The following SMAD3 variants were observed in gnomAD, a reference collection of about 807,000 sequenced individuals.
SMAD3 encodes SMAD family member 3.
Under a neutral mutation model 51.8 loss-of-function variants are expected in SMAD3, and 12 were observed. The observed-to-expected ratio is 0.23, with a 90% CI of 0.15 to 0.38. SMAD3 has a LOEUF of 0.38. SMAD3 is among the 10% of genes least tolerant of loss of function. The pLI is 1.00. For synonymous variants in SMAD3, 238 were observed against 227.7 expected (o/e 1.05, Z -0.41); for missense variants, 294 against 565.6 (o/e 0.52, Z 4.87).
At chr15:67,121,461 C>T (rs1301028705) in intron 1 of SMAD3, among the ~76,000 whole-genome samples, 2 of 152,072 alleles carry the variant, frequency 1.3e-5, no homozygotes, top group Non-Finnish European at 2.9e-5. Context: ...CCCAGAGGCC[C>T]CGGGGAGGGC....
At chr15:67,087,378 A>G (rs1039720537) in intron 1 of SMAD3, among the ~76,000 whole-genome samples, 2 of 152,052 alleles carry the variant, frequency 1.3e-5, no homozygotes, top group South Asian at 4.2e-4. Flanking sequence ...TTTGATGATT[A>G]CCATCTGCCC....
At position 67,138,843 on chromosome 15, in the gene SMAD3, CAGTT is replaced by C. The variant is rs768956940; in HGVS notation, c.207-26051_207-26048del. Among the ~76,000 whole-genome samples the C allele has an allele frequency of 3.9e-5, 6 of 152,332 alleles. No individual in the cohort carries two copies. The South Asian group carries it at 6.2e-4, about 16-fold the overall frequency. The stretch of plus-strand genomic sequence containing the variant: ...ACACCATCCCATTAACCCTCCAAAG[CAGTT>C]GGTTGACTTGATCAGGGAAGATATG... On this transcript the variant is annotated intron_variant, in intron 1 of 8. Coordinates refer to ENST00000327367, the MANE Select transcript of SMAD3 (RefSeq NM_005902.4).
At chr15:67,178,099 C>T (rs1344256649) in intron 5 of SMAD3, among the ~76,000 whole-genome samples, 1 of 152,170 alleles carries the variant, frequency 6.6e-6, no homozygotes, top group African/African-American at 2.4e-5. Flanking sequence ...TTTTCCACAA[C>T]ACTGTCCGGT....
intron 1 of SMAD3, among the ~76,000 whole-genome samples, chr15:67,151,576 C>T (rs978741066): frequency 2.4e-4 from 36 of 152,144 alleles, no homozygotes; most frequent in African/African-American, 8.5e-4. Context: ...TGTAATCCAC[C>T]CACCTCAGCC....
In SMAD3 at chr15:67,191,078, T is replaced by C. The variant is rs530801416; in HGVS notation, c.*542T>C. ...CCACCACTCCAGCAGACCTTGCCCC[T>C]TGTGAGCTGGATAGACTTGGGATGG... On this transcript the variant is annotated 3_prime_UTR_variant, in exon 9 of 9. Transcript: ENST00000327367. 11 of 75,870 alleles carry C rather than the reference T, an allele frequency of 1.4e-4. No individual in the cohort carries two copies. The highest frequency in any genetic ancestry group is 2.4e-4 in the Non-Finnish European group (10 of 41,706). The allele number at this position is 75,870 out of a possible 1,614,324, so 4.7% of individuals were successfully genotyped here.
At position 67,191,053 on chromosome 15, in the gene SMAD3, C is replaced by T; in HGVS notation, c.*517C>T. On this transcript the variant is annotated 3_prime_UTR_variant, in exon 9 of 9. Transcript: ENST00000327367. ...CAGCCCAGCCCCGCCCCGCCCCGCC[C>T]CACCACTCCAGCAGACCTTGCCCCT... is the stretch of plus-strand genomic sequence containing the variant. 1 of 237,814 alleles carries T rather than the reference C, an allele frequency of 4.2e-6. No homozygotes were observed. Among genetic ancestry groups the T allele is most frequent in the Non-Finnish European group, 8.3e-6 (1 of 120,414 alleles). 14.7% of individuals were successfully genotyped at this position (237,814 alleles called of 1,614,324 possible). A position where few individuals can be genotyped will look rare whatever the true frequency, so the allele number is the denominator to read the frequency against.
At chr15:67,169,601 A>G (rs75574653) in intron 4 of SMAD3, among the ~76,000 whole-genome samples, 58 of 150,758 alleles carry the variant, frequency 3.8e-4, no homozygotes, top group African/African-American at 1.3e-3. Flanking sequence ...GTCCAGCCTC[A>G]GCCTTCACCA....
At chr15:67,187,115 C>T (rs1963241387) in intron 7 of SMAD3, 1 of 656,636 alleles carries the variant, frequency 1.5e-6, no homozygotes, top group East Asian at 3.0e-5. Flanking sequence ...GGCCAGCCTT[C>T]CATCTCCCCT....
chr15:67,068,119 A>AAAGC (rs1216594456), intron 1 of SMAD3, among the ~76,000 whole-genome samples: 4 of 152,256 alleles, frequency 2.6e-5, no homozygotes, highest in Non-Finnish European at 5.9e-5. Flanking sequence ...AAAAAGACAG[A>AAAGC]AAGCAAGCAA....
rs111805211 is a variant in SMAD3 at position 67,105,249 on chromosome 15, C to T, written c.206+38889C>T. ...ATGAGGCGCTCTCCAAAGTTCTTGCCCTCTGTGTCCTTCCTCTGCGTTCTA... is the reference window on the plus strand; with the variant it reads ...ATGAGGCGCTCTCCAAAGTTCTTGCTCTCTGTGTCCTTCCTCTGCGTTCTA... On this transcript the variant is annotated intron_variant, in intron 1 of 8. Transcript: ENST00000327367. Among the ~76,000 whole-genome samples the T allele has an allele frequency of 0.012, 1,901 of 152,298 alleles. 61 individuals carry two copies. In the East Asian group the frequency reaches 0.13, roughly 10 times the overall value.
At chr15:67,110,638 C>T (rs1177566227) in intron 1 of SMAD3, among the ~76,000 whole-genome samples, 1 of 152,216 alleles carries the variant, frequency 6.6e-6, no homozygotes, top group Non-Finnish European at 1.5e-5. Context: ...GACATCCAGC[C>T]CTGTGTGGGC....
Position 67,193,840 on chromosome 15 carries a change from T to C in SMAD3, c.*3304T>C, listed in dbSNP as rs1208855954. The C allele has an allele frequency of 1.3e-5, 3 of 233,258 alleles. No homozygotes were observed. Among genetic ancestry groups the C allele is most frequent in the Non-Finnish European group, 2.5e-5 (3 of 117,838 alleles). 14.4% of individuals were successfully genotyped at this position (233,258 alleles called of 1,614,324 possible). On this transcript the variant is annotated 3_prime_UTR_variant, in exon 9 of 9. Transcript: ENST00000327367. ...CCTAGAGTTTGGACATATTCCAGGC[T>C]AAATGCTTTTACTCAAGACTACAGA...
chr15:67,066,820 T>C (rs1959933276), intron 1 of SMAD3, among the ~76,000 whole-genome samples: 1 of 152,214 alleles, frequency 6.6e-6, no homozygotes, highest in South Asian at 2.1e-4. Flanking sequence ...GTCTCCCCAC[T>C]TTCCTCTACA....
rs1327474750 is a variant in SMAD3 at position 67,191,775 on chromosome 15, T to C, written c.*1239T>C. ...TAAAATATTTTTACACCTTTGAAAA[T>C]TGCAGGCTTGGTACAAAGAGGTCTG... On this transcript the variant is annotated 3_prime_UTR_variant, in exon 9 of 9. Transcript: ENST00000327367. 1.3e-5 allele frequency: 3 copies of C among 230,526 alleles called. No individual in the cohort carries two copies. The highest frequency in any genetic ancestry group is 6.1e-5 in the East Asian group (1 of 16,308). The allele number at this position is 230,526 out of a possible 1,614,324, so 14.3% of individuals were successfully genotyped here. A position where few individuals can be genotyped will look rare whatever the true frequency, so the allele number is the denominator to read the frequency against.
At chr15:67,162,910 T>C (rs1253804769) in intron 1 of SMAD3, among the ~76,000 whole-genome samples, 2 of 151,892 alleles carry the variant, frequency 1.3e-5, no homozygotes, top group Non-Finnish European at 2.9e-5. Flanking sequence ...TTATTTTCGT[T>C]CAGGACACTT....
chr15:67,109,393 TAGA>T (rs1460524270), intron 1 of SMAD3, among the ~76,000 whole-genome samples: 1 of 152,100 alleles, frequency 6.6e-6, no homozygotes, highest in Non-Finnish European at 1.5e-5. Flanking sequence ...GTAAAATGGG[TAGA>T]AGGTCAGAGT....
At chr15:67,100,550 ATG>A (rs1960730521) in intron 1 of SMAD3, among the ~76,000 whole-genome samples, 2 of 152,230 alleles carry the variant, frequency 1.3e-5, no homozygotes, top group East Asian at 3.9e-4. Flanking sequence ...GTATTAATAA[ATG>A]TATTAATTAC....
At position 67,187,330 on chromosome 15, in the gene SMAD3, C is replaced by G. The variant is rs1963247111; in HGVS notation, c.1010-35C>G. On this transcript the variant is annotated intron_variant, in intron 7 of 8. Transcript: ENST00000327367. ...AGGGGAGCAACGGACCTGGCCACTT[C>G]CATCCCCACAGCCCTGTTTCTGTGT... is the stretch of plus-strand genomic sequence containing the variant. The G allele has an allele frequency of 2.5e-6, 4 of 1,613,928 alleles. No homozygotes were observed. In the Admixed American group the frequency reaches 6.7e-5, roughly 27 times the overall value.
Position 67,184,885 on chromosome 15 carries a change from C to T in SMAD3, c.1009+21C>T, listed in dbSNP as rs909496243. On this transcript the variant is annotated intron_variant, in intron 7 of 8. Coordinates refer to ENST00000327367, the MANE Select transcript of SMAD3 (RefSeq NM_005902.4). ...ACCAGGTAAACGAGCCGCACAGGCA[C>T]CCCTGCCTTGAGGTCCCTCTCCGAG... is the stretch of plus-strand genomic sequence containing the variant. 15 of 1,612,136 alleles carry T rather than the reference C, an allele frequency of 9.3e-6. No individual in the cohort carries two copies. The African/African-American group carries it at 9.3e-5, about 10-fold the overall frequency.
Sources: allele counts gnomAD v4.1 joint callset (sites outside exome capture counted in the v4.1 genomes callset), GRCh38; gene constraint gnomAD v4.1.1; transcripts MANE v1.5; gene names NCBI Gene and HGNC (gene_info 2026-07-23, HGNC 2026-07-21).